The following GPR158 variants were observed in gnomAD, a reference collection of about 807,000 sequenced individuals.
GPR158 encodes the protein G protein-coupled receptor 158.
In GPR158, 30 loss-of-function variants were observed where a neutral mutation model predicts 78.2. The ratio of observed to expected loss-of-function variants is 0.38; its 90% CI spans 0.29 to 0.52. GPR158 has a LOEUF of 0.52. Among genes scored for constraint, GPR158 ranks in the 20% least tolerant of loss-of-function variants. The pLI, the probability that GPR158 is intolerant of heterozygous loss-of-function variation, is 0.83. For missense variants in GPR158, 1,463 were observed against 1,523.5 expected (o/e 0.96, Z 0.66); for synonymous variants, 581 against 591.1 (o/e 0.98, Z 0.25).
intron 5 of GPR158, among the ~76,000 whole-genome samples, chr10:25,502,479 G>A (rs1488639527): frequency 1.3e-5 from 2 of 152,218 alleles, no homozygotes; most frequent in Non-Finnish European, 2.9e-5. Context: ...TGTGAGTAAG[G>A]GGCAAGGTGG....
rs149809591 is a variant in GPR158 at position 25,228,032 on chromosome 10, C to G, written c.1008+6875C>G. ...GTGTCATCATTAAAAATGCATACTT[C>G]TTTGTTCTACCTGTTTTTTCTCTAC... On this transcript the variant is annotated intron_variant, in intron 2 of 10. Coordinates refer to ENST00000376351, the MANE Select transcript of GPR158 (RefSeq NM_020752.3). Among the ~76,000 whole-genome samples, 725 of 152,276 alleles carry G rather than the reference C, an allele frequency of 4.8e-3. 5 individuals are homozygous for G. The highest frequency in any genetic ancestry group is 0.015 in the African/African-American group (637 of 41,578).
chr10:25,591,850 T>G (rs2130750245), intron 8 of GPR158, among the ~76,000 whole-genome samples: 1 of 152,172 alleles, frequency 6.6e-6, no homozygotes. Flanking sequence ...CTATAAAGGA[T>G]GAAGGAATGG....
intron 7 of GPR158, among the ~76,000 whole-genome samples, chr10:25,583,625 C>CA (rs1837230800): frequency 6.6e-6 from 1 of 151,616 alleles, no homozygotes. Flanking sequence ...AGAAAGAAAA[C>CA]AAAATGAGTT....
Position 25,402,358 on chromosome 10 carries a change from A to G in GPR158, c.1111+6345A>G, listed in dbSNP as rs375703643. Among the ~76,000 whole-genome samples, 7 of 152,172 alleles carry G rather than the reference A, an allele frequency of 4.6e-5. No homozygotes were observed. The East Asian group carries it at 1.4e-3, about 29-fold the overall frequency. ...AAGTAAATTCAATGCATGATCCTAG[A>G]TTTCACCCTAGATGGAGAAAAGTAG... On this transcript the variant is annotated intron_variant, in intron 3 of 10. Coordinates refer to ENST00000376351, the MANE Select transcript of GPR158 (RefSeq NM_020752.3).
At chr10:25,585,091 T>TA (rs1837249337) in intron 7 of GPR158, among the ~76,000 whole-genome samples, 2 of 152,246 alleles carry the variant, frequency 1.3e-5, no homozygotes, top group Admixed American at 6.5e-5. Context: ...CCTTCACAAT[T>TA]AATCAGTTAC....
chr10:25,435,206 A>G (rs1264779997), intron 4 of GPR158, among the ~76,000 whole-genome samples: 1 of 152,192 alleles, frequency 6.6e-6, no homozygotes, highest in Non-Finnish European at 1.5e-5. Flanking sequence ...CTGTGATCCT[A>G]TGGGTAGAGT....
chr10:25,423,136 C>CGT (rs1313898036), intron 4 of GPR158, among the ~76,000 whole-genome samples: 35 of 76,298 alleles, frequency 4.6e-4, no homozygotes, highest in African/African-American at 7.3e-4. Flanking sequence ...TATGTATATA[C>CGT]ATATACATAT....
At chr10:25,507,943 T>G (rs1418039731) in intron 5 of GPR158, among the ~76,000 whole-genome samples, 3 of 152,020 alleles carry the variant, frequency 2.0e-5, no homozygotes, top group African/African-American at 4.8e-5. Flanking sequence ...GATGTGCAGG[T>G]TTTTTTTAAG....
At chr10:25,233,574 A>G (rs1277845556) in intron 2 of GPR158, among the ~76,000 whole-genome samples, 3 of 152,236 alleles carry the variant, frequency 2.0e-5, no homozygotes, top group Non-Finnish European at 2.9e-5. Flanking sequence ...CTTATGGGCT[A>G]TGCTTTTATG....
intron 5 of GPR158, among the ~76,000 whole-genome samples, chr10:25,472,313 T>C (rs1452206954): frequency 7.2e-5 from 11 of 152,152 alleles, no homozygotes; most frequent in African/African-American, 2.4e-4. Flanking sequence ...TTCTGTTCCA[T>C]TGGTCTATAT....
chr10:25,575,739 C>G (rs951929737), intron 7 of GPR158, among the ~76,000 whole-genome samples: 1 of 152,106 alleles, frequency 6.6e-6, no homozygotes, highest in African/African-American at 2.4e-5. Flanking sequence ...TTCAAATCCT[C>G]TTTTCATACC....
Position 25,596,763 on chromosome 10 carries a change from C to T in GPR158, c.2119C>T (p.His707Tyr), listed in dbSNP as rs752235834. ...CAGTATCAATTCAGCCTGGAGTGAG[C>T]ACAGCTTGGATCCAGAGGACATTCG... ...NSSINSAWSE[H>Y]SLDPEDIRDE... The change falls in exon 10 of 11, where the codon CAC becomes TAC. Residue 707 changes from histidine (H) to tyrosine (Y), a missense_variant. By Grantham distance (83) the His-to-Tyr change is moderately conservative (BLOSUM62 2). Transcript: ENST00000376351. 11 of 1,613,596 alleles carry T rather than the reference C, an allele frequency of 6.8e-6. No homozygotes were observed. In the South Asian group the frequency reaches 9.9e-5, roughly 14 times the overall value.
chr10:25,365,072 A>AT (rs5783923), intron 2 of GPR158, among the ~76,000 whole-genome samples: 21,417 of 151,672 alleles, frequency 0.14, 1,833 homozygotes, highest in African/African-American at 0.24. Context: ...TTTATTTAAA[A>AT]TTTTTTCCTA....
intron 1 of GPR158, among the ~76,000 whole-genome samples, chr10:25,203,986 G>C (rs1477913734): frequency 8.6e-6 from 1 of 115,772 alleles, no homozygotes; most frequent in African/African-American, 3.6e-5. Context: ...TCCCTTGTAA[G>C]TGGGATTCCT....
intron 4 of GPR158, among the ~76,000 whole-genome samples, chr10:25,420,639 GTAT>G (rs1834736989): frequency 1.3e-5 from 2 of 152,110 alleles, no homozygotes; most frequent in East Asian, 3.9e-4. Context: ...TAATTTTTAT[GTAT>G]AGTATAAGAT....
intron 10 of GPR158, among the ~76,000 whole-genome samples, chr10:25,597,221 TG>T (rs1253877892): frequency 6.6e-6 from 1 of 152,252 alleles, no homozygotes; most frequent in African/African-American, 2.4e-5. Context: ...AGGAAGCAGA[TG>T]TTTTTAGTAG....
chr10:25,470,662 TG>T (rs1469325451), intron 5 of GPR158, among the ~76,000 whole-genome samples: 2 of 152,220 alleles, frequency 1.3e-5, no homozygotes, highest in Non-Finnish European at 2.9e-5. Context: ...GTATAAAGAC[TG>T]AGTGTTTATT....
intron 2 of GPR158, among the ~76,000 whole-genome samples, chr10:25,336,409 C>G (rs1366029791): frequency 6.6e-6 from 1 of 152,000 alleles, no homozygotes; most frequent in Non-Finnish European, 1.5e-5. Context: ...TTGGTTGCCT[C>G]TCTGACAACC....
chr10:25,552,305 C>T (rs984083432), intron 6 of GPR158, among the ~76,000 whole-genome samples: 1 of 152,176 alleles, frequency 6.6e-6, no homozygotes, highest in East Asian at 1.9e-4. Context: ...ACACTTCCCT[C>T]CGGCATCCTT....
Sources: gnomAD v4.1 joint callset for allele counts (sites outside exome capture counted in the v4.1 genomes callset) on GRCh38, gnomAD v4.1.1 for gene constraint, MANE v1.5 for transcripts, NCBI Gene and HGNC (gene_info 2026-07-23, HGNC 2026-07-21) for gene names.